Variants in PDE1A observed in about 807,000 individuals in gnomAD.
PDE1A encodes the protein dual specificity calcium/calmodulin-dependent 3',5'-cyclic nucleotide phosphodiesterase 1A.
Under a neutral mutation model 61.7 loss-of-function variants are expected in PDE1A, and 35 were observed. The ratio of observed to expected loss-of-function variants is 0.57; its 90% confidence interval spans 0.43 to 0.75. The LOEUF (loss-of-function observed/expected upper bound fraction) is 0.75. Among genes scored for constraint, PDE1A ranks in the 30% least tolerant of loss-of-function variants. PDE1A has a pLI of 0.00. For missense variants in PDE1A, 597 were observed against 630.6 expected (o/e 0.95, Z 0.57); for synonymous variants, 232 against 213.2 (o/e 1.09, Z -0.77).
At chr2:182,420,765 C>T (rs1489112013) in intron 1 of PDE1A, among the ~76,000 whole-genome samples, 1 of 152,120 alleles carries the variant, frequency 6.6e-6, no homozygotes, top group Non-Finnish European at 1.5e-5. Context: ...GTGCAGCTGG[C>T]TTGGATATTA....
intron 1 of PDE1A, among the ~76,000 whole-genome samples, chr2:182,316,438 G>C (rs995943332): frequency 1.3e-5 from 2 of 152,126 alleles, no homozygotes; most frequent in Non-Finnish European, 2.9e-5. Context: ...TAAGTAATTT[G>C]CCCAAGACTA....
chr2:182,479,037 T>C (rs760973981), intron 2 of PDE1A, among the ~76,000 whole-genome samples: 10 of 151,906 alleles, frequency 6.6e-5, no homozygotes, highest in Admixed American at 2.6e-4. Context: ...TGATTGATGA[T>C]ATTCCCTTAT....
At chr2:182,188,367 G>A (rs973028700) in intron 11 of PDE1A, among the ~76,000 whole-genome samples, 1 of 152,098 alleles carries the variant, frequency 6.6e-6, no homozygotes, top group Non-Finnish European at 1.5e-5. Flanking sequence ...TGATCATATT[G>A]TTCAGTAACA....
At chr2:182,156,897 GAAGT>G (rs1369319749) in intron 13 of PDE1A, among the ~76,000 whole-genome samples, 1 of 151,896 alleles carries the variant, frequency 6.6e-6, no homozygotes, top group African/African-American at 2.4e-5. Context: ...ATATATAACT[GAAGT>G]AAGTATCTAT....
intron 13 of PDE1A, among the ~76,000 whole-genome samples, chr2:182,182,085 A>G (rs2125377322): frequency 6.6e-6 from 1 of 152,334 alleles, no homozygotes; most frequent in South Asian, 2.1e-4. Context: ...TCTTTGATGC[A>G]TATGCACAAA....
chr2:182,618,658 TA>T, the PDE1A span, among the ~76,000 whole-genome samples: 1 of 152,218 alleles, frequency 6.6e-6, no homozygotes, highest in East Asian at 1.9e-4. Flanking sequence ...TTTACTGCTT[TA>T]AAAGATGGCA....
At chr2:182,711,260 G>T in the PDE1A span, among the ~76,000 whole-genome samples, 2 of 152,142 alleles carry the variant, frequency 1.3e-5, no homozygotes, top group Admixed American at 6.5e-5. Context: ...TCACACAGGG[G>T]ATGATGGGGA....
At chr2:182,437,758 T>A (rs1684531722) in intron 2 of PDE1A, among the ~76,000 whole-genome samples, 1 of 151,938 alleles carries the variant, frequency 6.6e-6, no homozygotes, top group Non-Finnish European at 1.5e-5. Context: ...TCACTTTGAT[T>A]CTTTCTCTCT....
At chr2:182,264,176 A>G in intron 2 of PDE1A, 125 bp downstream of exon 2, 1 of 571,110 alleles carries the variant, frequency 1.8e-6, no homozygotes, top group Non-Finnish European at 3.1e-6. Context: ...AATTTTAATA[A>G]GATTTGATTT....
At chr2:182,471,627 G>A (rs570219072) in intron 2 of PDE1A, among the ~76,000 whole-genome samples, 4 of 151,778 alleles carry the variant, frequency 2.6e-5, no homozygotes, top group South Asian at 2.1e-4. Context: ...GAATTTTTAC[G>A]TTACCATTTC....
chr2:182,624,119 C>T, the PDE1A span, among the ~76,000 whole-genome samples: 1 of 109,916 alleles, frequency 9.1e-6, no homozygotes, highest in Admixed American at 1.1e-4. Flanking sequence ...AGCGAGACTC[C>T]GTCTCAAAAA....
chr2:182,201,444 G>A, exon 10 of PDE1A: 1 of 1,613,688 alleles, frequency 6.2e-7, no homozygotes, highest in Non-Finnish European at 8.5e-7. Flanking sequence ...GGCACCTGCA[G>A]GAAAAACTCC....
chr2:182,526,197 G>T (rs188653927), upstream of PDE1A, among the ~76,000 whole-genome samples: 1 of 151,956 alleles, frequency 6.6e-6, no homozygotes, highest in African/African-American at 2.4e-5. Flanking sequence ...GAACAATATC[G>T]CAGACTAAGG....
At chr2:182,381,813 AAAT>A (rs570944722) in intron 1 of PDE1A, among the ~76,000 whole-genome samples, 4 of 151,104 alleles carry the variant, frequency 2.6e-5, no homozygotes, top group Non-Finnish European at 3.0e-5. Flanking sequence ...CTCTGTCTCA[AAAT>A]AATAATAATA....
the PDE1A span, among the ~76,000 whole-genome samples, chr2:182,622,557 A>G: frequency 1.3e-4 from 20 of 152,194 alleles, no homozygotes; most frequent in Admixed American, 1.3e-3. Context: ...TGCCATAAAG[A>G]AAAATAAATG....
At chr2:182,660,821 C>A in the PDE1A span, among the ~76,000 whole-genome samples, 3 of 152,338 alleles carry the variant, frequency 2.0e-5, no homozygotes, top group East Asian at 5.8e-4. Context: ...GCGAAGCTGG[C>A]ACTGGGATTG....
chr2:182,672,821 C>T, the PDE1A span, among the ~76,000 whole-genome samples: 1 of 152,210 alleles, frequency 6.6e-6, no homozygotes, highest in Non-Finnish European at 1.5e-5. Flanking sequence ...TATGCCCCTT[C>T]AAATCTGAAT....
intron 2 of PDE1A, among the ~76,000 whole-genome samples, chr2:182,518,316 A>G (rs1335047764): frequency 2.6e-5 from 4 of 152,188 alleles, no homozygotes; most frequent in African/African-American, 9.7e-5. Flanking sequence ...ACTACACAAC[A>G]TACTGCCCTC....
chr2:182,224,625 T>A (rs141152017), intron 6 of PDE1A, among the ~76,000 whole-genome samples: 1 of 152,052 alleles, frequency 6.6e-6, no homozygotes, highest in Non-Finnish European at 1.5e-5. Context: ...TAACAAAAGT[T>A]CCCTGCTATT....
Sources: gnomAD v4.1 joint callset for allele counts (sites outside exome capture counted in the v4.1 genomes callset) on GRCh38, gnomAD v4.1.1 for gene constraint, MANE v1.5 for transcripts, NCBI Gene and HGNC (gene_info 2026-07-23, HGNC 2026-07-21) for gene names.